PLEKHA5: variants seen among roughly 807,000 people sequenced by gnomAD.
PLEKHA5 encodes pleckstrin homology domain-containing family A member 5.
Under a neutral mutation model 181.9 loss-of-function variants are expected in PLEKHA5, and 55 were observed. The observed-to-expected ratio is 0.30, with a 90% CI of 0.24 to 0.38. PLEKHA5 has a LOEUF of 0.38. Ranked by LOEUF, PLEKHA5 falls within the 10% of genes least tolerant of loss-of-function variation. The pLI, the probability that PLEKHA5 is intolerant of heterozygous loss-of-function variation, is 1.00. For synonymous variants in PLEKHA5, 535 were observed against 529.4 expected (o/e 1.01, Z -0.15); for missense variants, 1,432 against 1,549.5 (o/e 0.92, Z 1.27).
intron 3 of PLEKHA5, among the ~76,000 whole-genome samples, chr12:19,231,794 A>G (rs1051670770): frequency 5.3e-5 from 8 of 151,812 alleles, no homozygotes; most frequent in African/African-American, 1.9e-4. Context: ...CAGTAAATTT[A>G]AGTTTTTATA....
chr12:19,225,469 G>GT (rs2059564412), intron 3 of PLEKHA5, among the ~76,000 whole-genome samples: 1 of 152,132 alleles, frequency 6.6e-6, no homozygotes, highest in African/African-American at 2.4e-5. Context: ...TGGAGTTTTA[G>GT]TACAGAATTT....
At chr12:19,211,913 G>T (rs1340728779) in intron 3 of PLEKHA5, among the ~76,000 whole-genome samples, 1 of 152,182 alleles carries the variant, frequency 6.6e-6, no homozygotes, top group African/African-American at 2.4e-5. Context: ...CCTGCTTGGG[G>T]ATTTGGCTGT....
chr12:19,309,744 CA>C (rs59619350), intron 15 of PLEKHA5, among the ~76,000 whole-genome samples: 81,134 of 147,658 alleles, frequency 0.55, 25,806 homozygotes, highest in Non-Finnish European at 0.73. Flanking sequence ...GACTCTGTCT[CA>C]AAAAAAAAAA....
chr12:19,306,741 G>T, intron 15 of PLEKHA5: 1 of 1,142,604 alleles, frequency 8.8e-7, no homozygotes. Context: ...TCTTCCCGCC[G>T]GATAATTCAC....
At chr12:19,256,266 AAC>A (rs1307049894) in intron 5 of PLEKHA5, among the ~76,000 whole-genome samples, 1 of 152,232 alleles carries the variant, frequency 6.6e-6, no homozygotes. Flanking sequence ...AAAGTTTCAT[AAC>A]ACAGCACACT....
intron 3 of PLEKHA5, among the ~76,000 whole-genome samples, chr12:19,218,234 C>T (rs2058319578): frequency 6.6e-6 from 1 of 152,120 alleles, no homozygotes; most frequent in Admixed American, 6.6e-5. Context: ...GTTTTAGATA[C>T]ATCCGAGACA....
intron 29 of PLEKHA5, among the ~76,000 whole-genome samples, chr12:19,365,595 A>T (rs2095402571): frequency 6.6e-6 from 1 of 152,194 alleles, no homozygotes; most frequent in African/African-American, 2.4e-5. Context: ...TTCTAAAATG[A>T]CATTATGAGG....
chr12:19,342,801 A>G (rs914681766), intron 21 of PLEKHA5, among the ~76,000 whole-genome samples: 3 of 152,122 alleles, frequency 2.0e-5, no homozygotes, highest in African/African-American at 7.2e-5. Flanking sequence ...ATAAAAAAAT[A>G]CATTTAAACT....
intron 3 of PLEKHA5, among the ~76,000 whole-genome samples, chr12:19,183,796 C>T (rs576036032): frequency 2.9e-4 from 44 of 152,276 alleles, no homozygotes; most frequent in Non-Finnish European, 4.6e-4. Flanking sequence ...TCACCGCACC[C>T]TCTGCCTGCC....
intron 21 of PLEKHA5, among the ~76,000 whole-genome samples, chr12:19,339,834 A>G (rs2153155374): frequency 6.6e-6 from 1 of 152,340 alleles, no homozygotes; most frequent in South Asian, 2.1e-4. Context: ...GGTTATTATG[A>G]GGATAAATAT....
At chr12:19,222,628 AAAAT>A (rs2059130582) in intron 3 of PLEKHA5, among the ~76,000 whole-genome samples, 1 of 152,180 alleles carries the variant, frequency 6.6e-6, no homozygotes, top group African/African-American at 2.4e-5. Flanking sequence ...AGTACCGGAG[AAAAT>A]ATGTGTTTGA....
intron 3 of PLEKHA5, among the ~76,000 whole-genome samples, chr12:19,133,182 TGA>T (rs1456775606): frequency 6.6e-6 from 1 of 151,982 alleles, no homozygotes; most frequent in African/African-American, 2.4e-5. Flanking sequence ...TAGTAGAGCT[TGA>T]GAGAAAAGAT....
intron 3 of PLEKHA5, among the ~76,000 whole-genome samples, chr12:19,146,729 G>C (rs1259078334): frequency 6.6e-6 from 1 of 152,180 alleles, no homozygotes; most frequent in African/African-American, 2.4e-5. Flanking sequence ...AGACCAGTTA[G>C]AGTTGCCAAC....
At chr12:19,206,116 T>C (rs1417162827) in intron 3 of PLEKHA5, among the ~76,000 whole-genome samples, 1 of 152,108 alleles carries the variant, frequency 6.6e-6, no homozygotes, top group African/African-American at 2.4e-5. Flanking sequence ...ATAATAGTTT[T>C]GCCAGTTTAG....
chr12:19,325,141 C>T (rs1197470471), intron 20 of PLEKHA5, among the ~76,000 whole-genome samples: 3 of 152,162 alleles, frequency 2.0e-5, no homozygotes, highest in South Asian at 2.1e-4. Context: ...CCTGTAATCT[C>T]AGTACTTTGG....
intron 5 of PLEKHA5, 131 bp downstream of exon 5, chr12:19,255,296 A>G (rs111357729): frequency 1.5e-5 from 8 of 518,670 alleles, no homozygotes; most frequent in Non-Finnish European, 2.4e-5. Flanking sequence ...GGTAATTGAT[A>G]TAAGAAGCAA....
chr12:19,184,844 CTG>C (rs1370628794), intron 3 of PLEKHA5, among the ~76,000 whole-genome samples: 1 of 152,122 alleles, frequency 6.6e-6, no homozygotes, highest in African/African-American at 2.4e-5. Flanking sequence ...GGAGAGGACA[CTG>C]GGGAATACCT....
intron 3 of PLEKHA5, among the ~76,000 whole-genome samples, chr12:19,144,286 C>T (rs185112271): frequency 4.8e-4 from 73 of 152,282 alleles, no homozygotes; most frequent in African/African-American, 1.7e-3. Flanking sequence ...TCTCACTTTT[C>T]TTTAAGTTGA....
At chr12:19,206,787 T>G (rs2055648154) in intron 3 of PLEKHA5, among the ~76,000 whole-genome samples, 1 of 152,118 alleles carries the variant, frequency 6.6e-6, no homozygotes, top group Admixed American at 6.6e-5. Flanking sequence ...GAGGACTGGG[T>G]GACAGGACTC....
Sources: gnomAD v4.1 joint callset for allele counts (sites outside exome capture counted in the v4.1 genomes callset) on GRCh38, gnomAD v4.1.1 for gene constraint, MANE v1.5 for transcripts, NCBI Gene and HGNC (gene_info 2026-07-23, HGNC 2026-07-21) for gene names.